Variants in UPK3B observed in about 807,000 individuals in gnomAD.
UPK3B encodes the protein uroplakin 3B, also known as uroplakin-3b.
In UPK3B, 21 loss-of-function variants were observed where a neutral mutation model predicts 27.6. The observed-to-expected ratio is 0.76, with a 90% CI of 0.54 to 1.10. The LOEUF (loss-of-function observed/expected upper bound fraction) is 1.10. Among genes scored for constraint, UPK3B ranks in the 50% least tolerant of loss-of-function variants. The probability of loss-of-function intolerance (pLI) is 0.00; values close to 1 mark genes in which losing one functional copy is unlikely to be tolerated. For synonymous variants in UPK3B, 141 were observed against 162.3 expected, an observed-to-expected ratio of 0.87 and a Z score of 1.00; for missense variants, 306 against 376.1, an observed-to-expected ratio of 0.81 and a Z score of 1.54.
At chr7:76,513,295 C>T in intron 4 of UPK3B, 132 bp downstream of exon 4, 1 of 822,662 alleles carries the variant, frequency 1.2e-6, no homozygotes, top group Non-Finnish European at 1.9e-6. Flanking sequence ...GGGCCCAGCC[C>T]CCAACAGAAC....
intron 4 of UPK3B, 145 bp downstream of exon 4, chr7:76,513,308 C>T: frequency 1.3e-6 from 1 of 769,526 alleles, no homozygotes; most frequent in South Asian, 1.8e-5. Flanking sequence ...AACAGAACCT[C>T]ATGCTGGGGG....
intron 2 of UPK3B, 165 bp from the exon 3 acceptor site, chr7:76,511,492 T>C: frequency 1.4e-6 from 1 of 727,346 alleles, no homozygotes; most frequent in Non-Finnish European, 2.3e-6. Context: ...GAAGCTCCCC[T>C]TCAGGGGTAA....
intron 5 of UPK3B, 145 bp downstream of exon 5, chr7:76,514,221 G>A: frequency 7.6e-7 from 1 of 1,311,856 alleles, no homozygotes; most frequent in Non-Finnish European, 1.1e-6. Context: ...GCCCAGGCTG[G>A]TCTGGAACTG....
Position 76,511,652 on chromosome 7 carries a change from T to G in UPK3B, c.236-5T>G. 1.3e-6 allele frequency: 2 copies of G among 1,582,276 alleles called. No homozygotes were observed. Reference sequence around the variant, plus strand: ...CCCACCTCCATCTGTTCTCTCCTCCTGCAGCCTCCAGGGGCTTCCAGAACC... The same window carrying G: ...CCCACCTCCATCTGTTCTCTCCTCCGGCAGCCTCCAGGGGCTTCCAGAACC... On this transcript the variant is annotated splice_region_variant and splice_polypyrimidine_tract_variant and intron_variant, in intron 2 of 5. Coordinates refer to ENST00000334348, the MANE Select transcript of UPK3B (RefSeq NM_001347684.2).
intron 5 of UPK3B, 113 bp from the exon 6 acceptor site, chr7:76,514,929 AGAG>A: frequency 1.9e-6 from 2 of 1,066,928 alleles, no homozygotes; most frequent in South Asian, 1.8e-5. Flanking sequence ...AAAAAAGAAA[AGAG>A]AGAGAGAGAG....
Position 76,515,337 on chromosome 7 carries a change from C to G in UPK3B, c.*133C>G, listed in dbSNP as rs753664947. 2 of 1,506,318 alleles carry G rather than the reference C, an allele frequency of 1.3e-6. No individual in the cohort carries two copies. Among genetic ancestry groups the G allele is most frequent in the African/African-American group, 2.8e-5 (2 of 72,346 alleles). The allele number at this position is 1,506,318 out of a possible 1,614,324, so 93.3% of individuals were successfully genotyped here. ...CCCCCCCACCAGCACACCCCGTACCCTGCCTGGAATCCCAGCACCAGCCCC... is the reference window on the plus strand; with the variant it reads ...CCCCCCCACCAGCACACCCCGTACCGTGCCTGGAATCCCAGCACCAGCCCC... On this transcript the variant is annotated 3_prime_UTR_variant, in exon 6 of 6. Transcript: ENST00000334348.
At position 76,515,027 on chromosome 7, in the gene UPK3B, C is replaced by G. The variant is rs1253522207; in HGVS notation, c.672-18C>G. 5.1e-6 allele frequency: 8 copies of G among 1,558,332 alleles called. No individual in the cohort carries two copies. The highest frequency in any genetic ancestry group is 6.9e-6 in the Non-Finnish European group (8 of 1,151,550). On this transcript the variant is annotated intron_variant, in intron 5 of 5. Coordinates refer to ENST00000334348, the MANE Select transcript of UPK3B (RefSeq NM_001347684.2). The stretch of plus-strand genomic sequence containing the variant: ...GTGGCAGGGACATATGTCTCTTCCT[C>G]CTCCTCTCCCCGCCCAGCTCCAGCC...
Position 76,513,113 on chromosome 7 carries a change from G to A in UPK3B, c.491G>A (p.Gly164Asp), listed in dbSNP as rs143276031. The A allele has an allele frequency of 5.6e-6, 9 of 1,613,712 alleles. No individual in the cohort carries two copies. Among genetic ancestry groups the A allele is most frequent in the South Asian group, 3.3e-5 (3 of 91,044 alleles). The change falls in exon 4 of 6, where the codon GGC becomes GAC. Residue 164 changes from glycine (G) to aspartate (D), a missense_variant. Coordinates refer to ENST00000334348, the MANE Select transcript of UPK3B (RefSeq NM_001347684.2). ...RVKFLLMDTR[G>D]SPRAETKWSD... ...AAGTTCCTCCTGATGGACACCAGGG[G>A]CTCACCCAGGGCTGAGACCAAGTGG...
At chr7:76,513,641 G>A (rs1426667123) in intron 4 of UPK3B, among the ~76,000 whole-genome samples, 1 of 152,134 alleles carries the variant, frequency 6.6e-6, no homozygotes, top group Admixed American at 6.5e-5. Flanking sequence ...GGTGTGGGGT[G>A]GAAGTCTTGT....
At position 76,510,742 on chromosome 7, in the gene UPK3B, G is replaced by C; in HGVS notation, c.85+5G>C. 6.5e-7 allele frequency: 1 copy of C among 1,530,574 alleles called. No homozygotes were observed. Among genetic ancestry groups the C allele is most frequent in the South Asian group, 1.3e-5 (1 of 78,302 alleles). 94.8% of individuals were successfully genotyped at this position (1,530,574 alleles called of 1,614,324 possible). On this transcript the variant is annotated splice_donor_5th_base_variant and intron_variant, in intron 1 of 5. Transcript: ENST00000334348. The stretch of plus-strand genomic sequence containing the variant: ...TCCGGCCCAGCCTGAGCCTGGGTGA[G>C]TGGGGGTCCTGGATGGACGCGTCCA...
Position 76,514,921 on chromosome 7 carries a change from A to G in UPK3B, c.672-124A>G, listed in dbSNP as rs953683139. ...ACTCCATCTCAAAAAAAAAAAAAAA[A>G]AAAGAAAAGAGAGAGAGAGAGACTA... On this transcript the variant is annotated intron_variant, in intron 5 of 5. Coordinates refer to ENST00000334348, the MANE Select transcript of UPK3B (RefSeq NM_001347684.2). 87 of 1,276,202 alleles carry G rather than the reference A, an allele frequency of 6.8e-5. 2 individuals carry two copies. The highest frequency in any genetic ancestry group is 2.7e-4 in the South Asian group (17 of 63,864). 79.1% of individuals were successfully genotyped at this position (1,276,202 alleles called of 1,614,324 possible).
Position 76,511,658 on chromosome 7 carries a change from C to T in UPK3B, c.237C>T (p.Ala79=). The T allele has an allele frequency of 1.3e-6, 2 of 1,588,080 alleles. No individual in the cohort carries two copies. Among genetic ancestry groups the T allele is most frequent in the Non-Finnish European group, 1.7e-6 (2 of 1,167,556 alleles). ...TCCATCTGTTCTCTCCTCCTGCAGCCTCCAGGGGCTTCCAGAACCCGGAGA... is the reference window on the plus strand; with the variant it reads ...TCCATCTGTTCTCTCCTCCTGCAGCTTCCAGGGGCTTCCAGAACCCGGAGA... The part of the protein sequence containing the change: ...TVWLVVAFSN[A]SRGFQNPETL... Residue 79 remains alanine (A), a splice_region_variant and synonymous_variant, in exon 3 of 6, where the codon GCC becomes GCT. Coordinates refer to ENST00000334348, the MANE Select transcript of UPK3B (RefSeq NM_001347684.2).
chr7:76,513,272 C>T lies in UPK3B; in HGVS notation c.541+109C>T, dbSNP rs1294108079. 4.5e-6 allele frequency: 5 copies of T among 1,099,728 alleles called. 1 individual carries two copies. The Admixed American group carries it at 1.2e-4, about 26-fold the overall frequency. The allele number at this position is 1,099,728 out of a possible 1,614,324, so 68.1% of individuals were successfully genotyped here. ...TCCCACAGGGCTGGGGGCCTGGAGGCCATGTCCAAGTCGGGCCCAGCCCCC... is the reference window on the plus strand; with the variant it reads ...TCCCACAGGGCTGGGGGCCTGGAGGTCATGTCCAAGTCGGGCCCAGCCCCC... On this transcript the variant is annotated intron_variant, in intron 4 of 5. Transcript: ENST00000334348.
chr7:76,514,391 A>C (rs535330445), intron 5 of UPK3B, among the ~76,000 whole-genome samples: 24 of 152,084 alleles, frequency 1.6e-4, no homozygotes, highest in African/African-American at 5.5e-4. Context: ...GGGGTCATTG[A>C]TGGGGCCAGC....
At chr7:76,511,592 C>A in intron 2 of UPK3B, 65 bp from the exon 3 acceptor site, 2 of 1,402,512 alleles carry the variant, frequency 1.4e-6, no homozygotes, top group Non-Finnish European at 1.9e-6. Flanking sequence ...GAACACAGAA[C>A]CCCCACTCAT....
At chr7:76,513,798 CG>C (rs1000519632) in intron 4 of UPK3B, 148 bp from the exon 5 acceptor site, 26 of 1,149,446 alleles carry the variant, frequency 2.3e-5, no homozygotes, top group Non-Finnish European at 1.9e-5. Context: ...GGAAGAGGGA[CG>C]GGGGGTGGGA....
At chr7:76,513,552 C>A (rs1812614969) in intron 4 of UPK3B, among the ~76,000 whole-genome samples, 1 of 151,996 alleles carries the variant, frequency 6.6e-6, no homozygotes, top group Admixed American at 6.6e-5. Context: ...CGTGAATGTA[C>A]CAAGCCCAGA....
At chr7:76,513,909 C>T (rs781168720) in intron 4 of UPK3B, 38 bp from the exon 5 acceptor site, 11 of 1,611,628 alleles carry the variant, frequency 6.8e-6, no homozygotes, top group Admixed American at 6.7e-5. Context: ...GCCCTGGGGT[C>T]GAGGGGCAGC....
Position 76,515,359 on chromosome 7 carries a change from C to T in UPK3B, c.*155C>T. 6.7e-7 allele frequency: 1 copy of T among 1,485,364 alleles called. No homozygotes were observed. Among genetic ancestry groups the T allele is most frequent in the Non-Finnish European group, 8.9e-7 (1 of 1,122,502 alleles). The allele number at this position is 1,485,364 out of a possible 1,614,324, so 92.0% of individuals were successfully genotyped here. A position where few individuals can be genotyped will look rare whatever the true frequency, so the allele number is the denominator to read the frequency against. ...ACCCTGCCTGGAATCCCAGCACCAGCCCCCCTGCCTCTCCTCTGCCTTTCT... is the reference window on the plus strand; with the variant it reads ...ACCCTGCCTGGAATCCCAGCACCAGTCCCCCTGCCTCTCCTCTGCCTTTCT... On this transcript the variant is annotated 3_prime_UTR_variant, in exon 6 of 6. Transcript: ENST00000334348.
Sources: gnomAD v4.1 joint callset for allele counts (sites outside exome capture counted in the v4.1 genomes callset) on GRCh38, gnomAD v4.1.1 for gene constraint, MANE v1.5 for transcripts, NCBI Gene and HGNC (gene_info 2026-07-23, HGNC 2026-07-21) for gene names.